The following DCC variants were observed in gnomAD, a reference collection of about 807,000 sequenced individuals.
DCC encodes the protein netrin receptor DCC.
Under a neutral mutation model 172.5 loss-of-function variants are expected in DCC, and 58 were observed. The ratio of observed to expected loss-of-function variants is 0.34; its 90% CI spans 0.27 to 0.42. The LOEUF is 0.42. Among genes scored for constraint, DCC ranks in the 10% least tolerant of loss-of-function variants. The pLI is 1.00. For synonymous variants in DCC, 709 were observed against 644.5 expected, an observed-to-expected ratio of 1.10 and a Z score of -1.52; for missense variants, 1,740 against 1,791.0, an observed-to-expected ratio of 0.97 and a Z score of 0.51.
At chr18:53,352,966 T>C (rs551642876) in intron 15 of DCC, among the ~76,000 whole-genome samples, 2 of 152,334 alleles carry the variant, frequency 1.3e-5, no homozygotes, top group African/African-American at 4.8e-5. Flanking sequence ...CTTACCATTA[T>C]TGACCTTAAG....
In DCC at chr18:53,397,451, G is replaced by A; in HGVS notation, c.2827+5G>A. ...ATGCCACCACGTATGAAGCAGGTAT[G>A]TGAGGAAATGTCTACTTTGGACCCT... On this transcript the variant is annotated splice_donor_5th_base_variant and intron_variant, in intron 18 of 28. Transcript: ENST00000442544. The A allele has an allele frequency of 6.2e-7, 1 of 1,613,880 alleles. No homozygotes were observed. Among genetic ancestry groups the A allele is most frequent in the Non-Finnish European group, 8.5e-7 (1 of 1,179,894 alleles).
At chr18:52,717,533 A>G (rs182335931) in intron 1 of DCC, among the ~76,000 whole-genome samples, 26 of 150,420 alleles carry the variant, frequency 1.7e-4, no homozygotes, top group African/African-American at 6.3e-4. Context: ...GTGGCAGCAG[A>G]TACTAACATT....
intron 1 of DCC, among the ~76,000 whole-genome samples, chr18:52,353,007 T>C (rs1414992674): frequency 6.6e-6 from 1 of 152,204 alleles, no homozygotes; most frequent in Non-Finnish European, 1.5e-5. Flanking sequence ...TTGCCTCTAT[T>C]CTTCACAATT....
At chr18:53,177,841 C>G (rs925984285) in intron 8 of DCC, among the ~76,000 whole-genome samples, 2 of 152,164 alleles carry the variant, frequency 1.3e-5, no homozygotes, top group African/African-American at 4.8e-5. Context: ...GATAAGCGAG[C>G]CAGTCTCTGC....
At chr18:52,360,001 C>A (rs961250285) in intron 1 of DCC, among the ~76,000 whole-genome samples, 4 of 152,066 alleles carry the variant, frequency 2.6e-5, no homozygotes, top group African/African-American at 9.7e-5. Flanking sequence ...TGCTATAATT[C>A]CTAGATAAAT....
At position 53,489,078 on chromosome 18, in the gene DCC, AG is replaced by A. The variant is rs201781816; in HGVS notation, c.3898+2121del. 5.1e-3 allele frequency among the ~76,000 whole-genome samples: 775 copies of A among 152,120 alleles called. 1 individual carries two copies. The highest frequency in any genetic ancestry group is 8.5e-3 in the Non-Finnish European group (581 of 68,002). On this transcript the variant is annotated intron_variant, in intron 26 of 28. Coordinates refer to ENST00000442544, the MANE Select transcript of DCC (RefSeq NM_005215.4). ...GGAGGCTGAGGCAGAAAAAAAAAAA[AG>A]AAATTAATTGATTAAAATATTTATT...
chr18:52,343,541 G>GA (rs1983747644), intron 1 of DCC, among the ~76,000 whole-genome samples: 4 of 152,152 alleles, frequency 2.6e-5, no homozygotes, highest in South Asian at 4.1e-4. Context: ...GGGGGAGGAG[G>GA]ATGGTGACTT....
At chr18:53,374,766 G>C (rs2058092678) in intron 15 of DCC, among the ~76,000 whole-genome samples, 1 of 152,070 alleles carries the variant, frequency 6.6e-6, no homozygotes, top group Non-Finnish European at 1.5e-5. Context: ...AAGTATAAAA[G>C]ATAGTCACCA....
chr18:52,506,100 G>A (rs1322511134), intron 1 of DCC, among the ~76,000 whole-genome samples: 3 of 152,132 alleles, frequency 2.0e-5, no homozygotes, highest in South Asian at 4.2e-4. Flanking sequence ...ATTCCCATAG[G>A]AAAAGTATTA....
chr18:53,022,171 T>A (rs1481646423), intron 5 of DCC, among the ~76,000 whole-genome samples: 1 of 152,154 alleles, frequency 6.6e-6, no homozygotes, highest in Non-Finnish European at 1.5e-5. Flanking sequence ...CAATTAAATA[T>A]TCAGGATTTA....
intron 1 of DCC, among the ~76,000 whole-genome samples, chr18:52,421,234 C>T (rs956187866): frequency 6.6e-6 from 1 of 152,100 alleles, no homozygotes; most frequent in Non-Finnish European, 1.5e-5. Flanking sequence ...AGAGAAAGTG[C>T]ACATGCCTCT....
intron 2 of DCC, among the ~76,000 whole-genome samples, chr18:52,855,828 C>A (rs905532177): frequency 7.3e-6 from 1 of 137,728 alleles, no homozygotes; most frequent in Non-Finnish European, 1.5e-5. Flanking sequence ...TACAATGGTG[C>A]GATTTCGGCT....
chr18:53,463,759 C>A (rs1310399898), intron 24 of DCC, among the ~76,000 whole-genome samples: 3 of 152,126 alleles, frequency 2.0e-5, no homozygotes, highest in Non-Finnish European at 4.4e-5. Flanking sequence ...TTTTGTTGAT[C>A]CAGTTTCAAT....
At chr18:52,576,844 A>C (rs545851824) in intron 1 of DCC, among the ~76,000 whole-genome samples, 4 of 151,528 alleles carry the variant, frequency 2.6e-5, no homozygotes, top group Admixed American at 2.6e-4. Context: ...AAAAAAAAAA[A>C]GAAAATAATG....
chr18:53,000,483 T>G (rs2041546991), intron 5 of DCC, among the ~76,000 whole-genome samples: 1 of 151,824 alleles, frequency 6.6e-6, no homozygotes, highest in Non-Finnish European at 1.5e-5. Context: ...GAGGCCAAAG[T>G]TCTATAGGTT....
chr18:52,561,807 C>T (rs1311150072), intron 1 of DCC, among the ~76,000 whole-genome samples: 1 of 152,094 alleles, frequency 6.6e-6, no homozygotes, highest in Non-Finnish European at 1.5e-5. Flanking sequence ...ATGCTATACG[C>T]CCATTAGCTG....
chr18:53,210,499 C>G (rs145030316), intron 11 of DCC, among the ~76,000 whole-genome samples: 93 of 152,224 alleles, frequency 6.1e-4, no homozygotes, highest in African/African-American at 2.0e-3. Context: ...ATGAAGGATG[C>G]TGTTATATTC....
intron 1 of DCC, among the ~76,000 whole-genome samples, chr18:52,465,287 G>A (rs1988753443): frequency 6.6e-6 from 1 of 152,152 alleles, no homozygotes; most frequent in African/African-American, 2.4e-5. Context: ...TTGGCGATGA[G>A]GTGGAGGTTA....
At chr18:53,508,023 G>C (rs2046203983) in intron 27 of DCC, among the ~76,000 whole-genome samples, 1 of 141,708 alleles carries the variant, frequency 7.1e-6, no homozygotes, top group Non-Finnish European at 1.5e-5. Context: ...CCTCCCGAGA[G>C]CTGGGACTAC....
Sources: gnomAD v4.1 joint callset for allele counts (sites outside exome capture counted in the v4.1 genomes callset) on GRCh38, gnomAD v4.1.1 for gene constraint, MANE v1.5 for transcripts, NCBI Gene and HGNC (gene_info 2026-07-23, HGNC 2026-07-21) for gene names.